Variants in C9orf43 observed in about 807,000 individuals in gnomAD.
The protein encoded by C9orf43 is chromosome 9 open reading frame 43.
In C9orf43, 45 loss-of-function variants were observed where a neutral mutation model predicts 59.1. That is an observed-to-expected ratio of 0.76 (90% CI 0.60 to 0.98). C9orf43 has a LOEUF of 0.98. C9orf43 is among the 50% of genes least tolerant of loss of function. The pLI, the probability that C9orf43 is intolerant of heterozygous loss-of-function variation, is 0.00. For missense variants in C9orf43, 533 were observed against 554.9 expected (o/e 0.96, Z 0.40); for synonymous variants, 203 against 196.8 (o/e 1.03, Z -0.26).
Position 113,425,000 on chromosome 9 carries a change from T to TCCTTTTTTCTTTC in C9orf43, c.808-19_808-18insCCTTTTTTCTTTC. On this transcript the variant is annotated intron_variant, in intron 8 of 13. Transcript: ENST00000374165. The stretch of plus-strand genomic sequence containing the variant: ...AAGACCTGCAGTAGAGCTTTTCTTT[T>TCCTTTTTTCTTTC]TCTTTTTTCTTTCTCCAGAGACCAG... 6.2e-7 allele frequency: 1 copy of TCCTTTTTTCTTTC among 1,605,572 alleles called. No individual in the cohort carries two copies. Among genetic ancestry groups the TCCTTTTTTCTTTC allele is most frequent in the South Asian group, 1.1e-5 (1 of 90,790 alleles).
At chr9:113,423,592 T>C in intron 7 of C9orf43, 94 bp downstream of exon 7, 2 of 1,240,868 alleles carry the variant, frequency 1.6e-6, no homozygotes, top group Non-Finnish European at 2.3e-6. Flanking sequence ...TGAGTAGGAC[T>C]GGGAGAAAAC....
rs771894456 is a variant in C9orf43, at chr9:113,425,721, C to T, written c.1021C>T (p.Arg341Cys). 16 of 1,612,460 alleles carry T rather than the reference C, an allele frequency of 9.9e-6. No individual in the cohort carries two copies. Among genetic ancestry groups the T allele is most frequent in the African/African-American group, 5.3e-5 (4 of 74,846 alleles). ...HKHPVTTVHD[R>C]LYGYRTLPGQ... ...ACATCCAGTTACCACCGTTCATGACCGTCTCTATGGTAAGGGGAATATATG... is the reference window on the plus strand; with the variant it reads ...ACATCCAGTTACCACCGTTCATGACTGTCTCTATGGTAAGGGGAATATATG... Residue 341 changes from arginine to cysteine, a missense_variant, in exon 11 of 14, where the codon CGT becomes TGT. Transcript: ENST00000374165.
chr9:113,427,560 T>G lies in C9orf43; in HGVS notation c.1031-587T>G, dbSNP rs575043604. The stretch of plus-strand genomic sequence containing the variant: ...TGATGGTAGGAACTAGGCCTCAGTG[T>G]TTTTTGTTTGTTTGTTTTTTAAAGC... On this transcript the variant is annotated intron_variant, in intron 11 of 13. Transcript: ENST00000374165. Among the ~76,000 whole-genome samples, 179 of 152,296 alleles carry G rather than the reference T, an allele frequency of 1.2e-3. 1 individual carries two copies. Among genetic ancestry groups the G allele is most frequent in the African/African-American group, 4.0e-3 (167 of 41,554 alleles).
At chr9:113,418,832 G>T (rs940570328) in intron 3 of C9orf43, among the ~76,000 whole-genome samples, 9 of 152,194 alleles carry the variant, frequency 5.9e-5, no homozygotes, top group African/African-American at 2.2e-4. Flanking sequence ...CATTGATGGT[G>T]ATATAACTGT....
chr9:113,411,558 C>T (rs1828154854), intron 1 of C9orf43, among the ~76,000 whole-genome samples: 1 of 152,150 alleles, frequency 6.6e-6, no homozygotes, highest in East Asian at 1.9e-4. Context: ...CTCGGTCTCC[C>T]AAAGTGCAGG....
chr9:113,421,281 C>A, intron 5 of C9orf43, 78 bp downstream of exon 5: 1 of 1,065,364 alleles, frequency 9.4e-7, no homozygotes. Flanking sequence ...TTTTTGTGAT[C>A]TCCCATTTAG....
Position 113,428,221 on chromosome 9 carries a change from C to T in C9orf43, c.1105C>T (p.Gln369Ter), listed in dbSNP as rs776216123. ...QQMEKGTTSK[Q>*]DSTERPKMNY... ...GATGGAAAAAGGAACCACTTCGAAA[C>T]AGGTGAGAGTGTACCAAGGCCTCTG... The change falls in exon 12 of 14, where the codon CAG (glutamine) becomes TAG (stop). Residue 369 changes from glutamine to a stop codon, truncating the protein, a stop_gained and splice_region_variant. Transcript: ENST00000374165. LOFTEE classifies it high-confidence loss of function. 15 of 1,614,004 alleles carry T rather than the reference C, an allele frequency of 9.3e-6. No homozygotes were observed. Among genetic ancestry groups the T allele is most frequent in the Non-Finnish European group, 1.1e-5 (13 of 1,179,966 alleles).
At chr9:113,413,711 T>C in intron 2 of C9orf43, 48 bp from the exon 3 acceptor site, 1 of 1,611,450 alleles carries the variant, frequency 6.2e-7, no homozygotes, top group Non-Finnish European at 8.5e-7. Flanking sequence ...GTGGCTCCCT[T>C]TCTCCAGGCA....
intron 4 of C9orf43, chr9:113,420,801 T>C: frequency 2.0e-6 from 2 of 985,290 alleles, no homozygotes; most frequent in Non-Finnish European, 2.4e-6. Context: ...TAAGTAATGT[T>C]CCTGTAGGTA....
intron 12 of C9orf43, 54 bp downstream of exon 12, chr9:113,428,277 T>C: frequency 1.4e-6 from 2 of 1,468,674 alleles, no homozygotes; most frequent in Admixed American, 3.3e-5. Flanking sequence ...TCTATTACTA[T>C]GTAACAACCC....
Position 113,428,078 on chromosome 9 carries a change from C to T in C9orf43, c.1031-69C>T, listed in dbSNP as rs1321627683. 5 of 1,515,150 alleles carry T rather than the reference C, an allele frequency of 3.3e-6. No individual in the cohort carries two copies. The African/African-American group carries it at 6.9e-5, about 21-fold the overall frequency. 93.9% of individuals were successfully genotyped at this position (1,515,150 alleles called of 1,614,324 possible). A position where few individuals can be genotyped will look rare whatever the true frequency, so the allele number is the denominator to read the frequency against. On this transcript the variant is annotated intron_variant, in intron 11 of 13. Transcript: ENST00000374165. ...AGAGTCACTTGTAGACTAGGGGTCACCTAGAAGCCCCCAAATAGGGTATGA... is the reference window on the plus strand; with the variant it reads ...AGAGTCACTTGTAGACTAGGGGTCATCTAGAAGCCCCCAAATAGGGTATGA...
chr9:113,429,413 G>A lies in C9orf43; in HGVS notation c.*27G>A. 6.2e-7 allele frequency: 1 copy of A among 1,600,642 alleles called. No homozygotes were observed. Among genetic ancestry groups the A allele is most frequent in the African/African-American group, 1.3e-5 (1 of 74,698 alleles). On this transcript the variant is annotated 3_prime_UTR_variant, in exon 14 of 14. Coordinates refer to ENST00000374165, the MANE Select transcript of C9orf43 (RefSeq NM_001278629.2). ...AAGCCTCTGGAGGAATAGACTGAAG[G>A]CATCCCCTGGGGCAGCCGTGTTCCA... is the stretch of plus-strand genomic sequence containing the variant.
intron 3 of C9orf43, among the ~76,000 whole-genome samples, chr9:113,414,518 C>G (rs1216743514): frequency 6.6e-6 from 1 of 151,824 alleles, no homozygotes; most frequent in Non-Finnish European, 1.5e-5. Context: ...CTCCTGGCCT[C>G]AAGTGATCCT....
rs755354877 is a variant in C9orf43, at chr9:113,423,345, GT to G, written c.504del (p.Leu169SerfsTer11). Reference protein sequence around the residue: ...NSAVKSKSFLGLSGNQSAGTR... With the variant: ...NSAVKSKSFLXLSGNQSAGTR... ...TTCCAGAAAAGCAAGTCATTTCTGG[GT>G]CTCTCTGGAAATCAGTCCGCAGGAA... On this transcript the variant is annotated frameshift_variant, in exon 7 of 14. Coordinates refer to ENST00000374165, the MANE Select transcript of C9orf43 (RefSeq NM_001278629.2). LOFTEE classifies it high-confidence loss of function. The G allele has an allele frequency of 1.9e-6, 3 of 1,613,842 alleles. No individual in the cohort carries two copies. The South Asian group carries it at 3.3e-5, about 18-fold the overall frequency.
Position 113,428,880 on chromosome 9 carries a change from T to C in C9orf43, c.1108-20T>C. The C allele has an allele frequency of 6.2e-7, 1 of 1,604,386 alleles. No individual in the cohort carries two copies. Among genetic ancestry groups the C allele is most frequent in the Non-Finnish European group, 8.5e-7 (1 of 1,171,140 alleles). On this transcript the variant is annotated intron_variant, in intron 12 of 13. Transcript: ENST00000374165. The stretch of plus-strand genomic sequence containing the variant: ...CCTAAAGTCTTGATTCAAATTTCCT[T>C]ATACCCCAATGAATTTCAGGATTCC...
At chr9:113,426,594 G>A (rs1828800592) in intron 11 of C9orf43, among the ~76,000 whole-genome samples, 1 of 152,162 alleles carries the variant, frequency 6.6e-6, no homozygotes, top group Admixed American at 6.5e-5. Context: ...TCACTTAGTT[G>A]TCTGATGCCA....
In C9orf43 at chr9:113,425,050, AG is replaced by A. The variant is rs759384919; in HGVS notation, c.840del (p.Lys281AsnfsTer5). The A allele has an allele frequency of 1.9e-6, 3 of 1,613,222 alleles. No homozygotes were observed. The highest frequency in any genetic ancestry group is 2.5e-6 in the Non-Finnish European group (3 of 1,179,990). ...RPALRYPERLKKLHNLKTEGY... is the reference protein window; with the variant it reads ...RPALRYPERLXKLHNLKTEGY... ...GCACTGCGATATCCTGAACGTTTGA[AG>A]AAATTACATAACCTGAAGACAGAAG... is the stretch of plus-strand genomic sequence containing the variant. On this transcript the variant is annotated frameshift_variant, in exon 9 of 14. Coordinates refer to ENST00000374165, the MANE Select transcript of C9orf43 (RefSeq NM_001278629.2). LOFTEE classifies it high-confidence loss of function.
At chr9:113,427,824 A>G (rs1828844356) in intron 11 of C9orf43, among the ~76,000 whole-genome samples, 1 of 152,228 alleles carries the variant, frequency 6.6e-6, no homozygotes, top group Admixed American at 6.5e-5. Context: ...TACATGAGGG[A>G]TGGCGCAAGA....
chr9:113,420,712 C>G, intron 4 of C9orf43: 2 of 967,546 alleles, frequency 2.1e-6, no homozygotes, highest in South Asian at 9.5e-5. Context: ...GCTTCTGTTT[C>G]TATCAGTTCT....
Sources: allele counts gnomAD v4.1 joint callset (sites outside exome capture counted in the v4.1 genomes callset), GRCh38; gene constraint gnomAD v4.1.1; transcripts MANE v1.5; gene names NCBI Gene and HGNC (gene_info 2026-07-23, HGNC 2026-07-21).